Variants in GRIK1 observed in about 807,000 individuals in gnomAD.
The protein encoded by GRIK1 is glutamate receptor ionotropic, kainate 1.
A neutral mutation model predicts 105.7 loss-of-function variants in GRIK1; 69 were observed. The observed-to-expected ratio is 0.65, with a 90% CI of 0.54 to 0.80. The LOEUF (loss-of-function observed/expected upper bound fraction) is 0.80. Ranked by LOEUF, GRIK1 falls within the 30% of genes least tolerant of loss-of-function variation. The pLI, the probability that GRIK1 is intolerant of heterozygous loss-of-function variation, is 0.00. For synonymous variants in GRIK1, 438 were observed against 431.3 expected, an observed-to-expected ratio of 1.02 and a Z score of -0.19; for missense variants, 1,109 against 1,167.3, an observed-to-expected ratio of 0.95 and a Z score of 0.73.
At position 29,795,028 on chromosome 21, in the gene GRIK1, AT is replaced by A. The variant is rs66697777; in HGVS notation, c.119-100966del. Among the ~76,000 whole-genome samples, 158 of 85,216 alleles carry A rather than the reference AT, an allele frequency of 1.9e-3. No homozygotes were observed. In the East Asian group the frequency reaches 0.027, roughly 15 times the overall value. 55.9% of individuals were successfully genotyped at this position (85,216 alleles called of 152,430 possible). ...CAAGCTTCCTGATGCTTTGCTCTAA[AT>A]TTTTTTTTTTTTTTTTTTTTTTTTG... is the stretch of plus-strand genomic sequence containing the variant. On this transcript the variant is annotated intron_variant, in intron 1 of 17. Coordinates refer to ENST00000327783, the MANE Select transcript of GRIK1 (RefSeq NM_001330994.2).
At chr21:29,610,992 A>C (rs1207249736) in intron 7 of GRIK1, among the ~76,000 whole-genome samples, 1 of 152,162 alleles carries the variant, frequency 6.6e-6, no homozygotes, top group African/African-American at 2.4e-5. Context: ...TCTAAGCACA[A>C]TGACATCAGA....
rs115891103 is a variant in GRIK1 at position 29,727,634 on chromosome 21, C to T, written c.119-33571G>A. On this transcript the variant is annotated intron_variant, in intron 1 of 17. Transcript: ENST00000327783. ...ATTCACACATAATAGTTTCTATTCT[C>T]TCTTGTAAGAGGCTTGAAGTGTAAA... 3.5e-3 allele frequency among the ~76,000 whole-genome samples: 528 copies of T among 152,266 alleles called. 4 individuals are homozygous for T. The highest frequency in any genetic ancestry group is 0.012 in the African/African-American group (510 of 41,542).
intron 8 of GRIK1, 54 bp downstream of exon 8, chr21:29,598,776 A>T: frequency 1.3e-6 from 1 of 792,940 alleles, no homozygotes; most frequent in Non-Finnish European, 2.1e-6. Flanking sequence ...TTTAGTAAAA[A>T]TGCCTGAACA....
At chr21:29,851,765 G>C (rs563929631) in intron 1 of GRIK1, among the ~76,000 whole-genome samples, 2 of 133,798 alleles carry the variant, frequency 1.5e-5, no homozygotes, top group African/African-American at 6.2e-5. Flanking sequence ...CAAGAAGAGC[G>C]TCTTTAGCAC....
At chr21:29,829,025 A>C (rs147759560) in intron 1 of GRIK1, among the ~76,000 whole-genome samples, 2 of 152,314 alleles carry the variant, frequency 1.3e-5, no homozygotes, top group African/African-American at 4.8e-5. Flanking sequence ...GTCTACTGCC[A>C]TGAAGTCAAC....
chr21:29,567,219 G>A (rs1403956120), intron 14 of GRIK1, among the ~76,000 whole-genome samples: 3 of 152,134 alleles, frequency 2.0e-5, no homozygotes, highest in Admixed American at 2.0e-4. Context: ...TTAGTTACAG[G>A]ATTTCCATCA....
chr21:29,867,137 G>A (rs73900257), intron 1 of GRIK1, among the ~76,000 whole-genome samples: 3,628 of 152,202 alleles, frequency 0.024, 157 homozygotes, highest in African/African-American at 0.083. Flanking sequence ...GTTTCTGGGT[G>A]CAGGTAGTGA....
rs368403034 is a variant in GRIK1 at position 29,554,298 on chromosome 21, A to G, written c.2607+754T>C. ...GCCTGATTCACTATGATGACCATAA[A>G]CTTTATATTTTGTTTATTCTAGCAT... On this transcript the variant is annotated intron_variant, in intron 16 of 17. Transcript: ENST00000327783. Among the ~76,000 whole-genome samples, 41 of 152,278 alleles carry G rather than the reference A, an allele frequency of 2.7e-4. No homozygotes were observed. The East Asian group carries it at 6.7e-3, about 25-fold the overall frequency.
At chr21:29,829,765 A>G (rs1207319406) in intron 1 of GRIK1, among the ~76,000 whole-genome samples, 2 of 152,208 alleles carry the variant, frequency 1.3e-5, no homozygotes, top group Non-Finnish European at 2.9e-5. Context: ...CTACATCATT[A>G]TACCTTTCAT....
At chr21:29,912,064 A>G (rs1001948067) in intron 1 of GRIK1, among the ~76,000 whole-genome samples, 7 of 151,852 alleles carry the variant, frequency 4.6e-5, no homozygotes, top group Non-Finnish European at 1.0e-4. Flanking sequence ...CACAGAGAGA[A>G]AGAAAGAGAG....
intron 1 of GRIK1, among the ~76,000 whole-genome samples, chr21:29,715,692 C>T (rs756592544): frequency 2.7e-5 from 4 of 148,592 alleles, no homozygotes; most frequent in African/African-American, 5.0e-5. Context: ...TCTAGAATGT[C>T]GTATTCTACT....
chr21:29,929,415 C>T (rs1569226877), intron 1 of GRIK1, among the ~76,000 whole-genome samples: 1 of 152,190 alleles, frequency 6.6e-6, no homozygotes, highest in Non-Finnish European at 1.5e-5. Flanking sequence ...ACCATCTTAA[C>T]AAAACCAATA....
intron 8 of GRIK1, 187 bp from the exon 9 acceptor site, chr21:29,596,757 G>T: frequency 1.7e-6 from 1 of 603,772 alleles, no homozygotes; most frequent in Non-Finnish European, 2.9e-6. Flanking sequence ...CAAGACTTGG[G>T]TCTCACAGAA....
At chr21:29,840,241 G>A (rs369526927) in intron 1 of GRIK1, among the ~76,000 whole-genome samples, 10 of 152,066 alleles carry the variant, frequency 6.6e-5, no homozygotes, top group Non-Finnish European at 1.5e-4. Context: ...AATAAGATTG[G>A]AATATATGCC....
chr21:29,724,225 A>G (rs533986905), intron 1 of GRIK1, among the ~76,000 whole-genome samples: 6 of 152,340 alleles, frequency 3.9e-5, no homozygotes, highest in Admixed American at 2.0e-4. Context: ...GAATGTCCCA[A>G]ATTTTGCAAC....
intron 1 of GRIK1, among the ~76,000 whole-genome samples, chr21:29,809,157 A>T (rs2066941928): frequency 6.6e-6 from 1 of 152,180 alleles, no homozygotes; most frequent in Non-Finnish European, 1.5e-5. Context: ...ATTTTATCTA[A>T]TATTTAAAAG....
At chr21:29,756,141 G>A (rs1303783678) in intron 1 of GRIK1, among the ~76,000 whole-genome samples, 1 of 152,202 alleles carries the variant, frequency 6.6e-6, no homozygotes, top group African/African-American at 2.4e-5. Context: ...CAGCACTTTG[G>A]GAGGCCGAGG....
chr21:29,642,857 A>G lies in GRIK1; in HGVS notation c.1067T>C (p.Leu356Pro). 1.2e-6 allele frequency: 2 copies of G among 1,614,108 alleles called. No homozygotes were observed. Among genetic ancestry groups the G allele is most frequent in the Non-Finnish European group, 1.7e-6 (2 of 1,179,952 alleles). Residue 356 changes from leucine to proline, a missense_variant, in exon 7 of 18, where the codon CTC becomes CCC. By Grantham distance (98) the Leu-to-Pro change is moderately conservative (BLOSUM62 -3). Coordinates refer to ENST00000327783, the MANE Select transcript of GRIK1 (RefSeq NM_001330994.2). ...LQCHRHKPWR[L>P]GPRFMNLIKE... is the part of the protein sequence containing the mutation. ...GATCAGGTTCATAAATCTGGGTCCG[A>G]GGCGCCATGGCTTATGTCTATGGCA...
At chr21:29,746,189 G>T (rs1314999495) in intron 1 of GRIK1, among the ~76,000 whole-genome samples, 1 of 152,192 alleles carries the variant, frequency 6.6e-6, no homozygotes, top group Non-Finnish European at 1.5e-5. Context: ...ACTTCTGTGT[G>T]CTGACTGTTA....
Sources: gnomAD v4.1 joint callset for allele counts (sites outside exome capture counted in the v4.1 genomes callset) on GRCh38, gnomAD v4.1.1 for gene constraint, MANE v1.5 for transcripts, NCBI Gene and HGNC (gene_info 2026-07-23, HGNC 2026-07-21) for gene names.